PCDHGA5: variants seen among roughly 807,000 people sequenced by gnomAD.
PCDHGA5 encodes protocadherin gamma-A5.
In PCDHGA5, 36 loss-of-function variants were observed where a neutral mutation model predicts 56.7. The observed-to-expected ratio is 0.64, with a 90% CI of 0.49 to 0.84. The LOEUF (loss-of-function observed/expected upper bound fraction) is 0.84, where lower values mean the gene tolerates loss of function less well. PCDHGA5 is among the 40% of genes least tolerant of loss of function. The pLI is 0.00. For missense variants in PCDHGA5, 1,305 were observed against 1,201.5 expected, an observed-to-expected ratio of 1.09 and a Z score of -1.27; for synonymous variants, 563 against 520.2, an observed-to-expected ratio of 1.08 and a Z score of -1.12.
chr5:141,366,341 A>G lies in PCDHGA5; in HGVS notation c.2011A>G (p.Ile671Val). The G allele has an allele frequency of 6.2e-7, 1 of 1,613,914 alleles. No individual in the cohort carries two copies. Among genetic ancestry groups the G allele is most frequent in the South Asian group, 1.1e-5 (1 of 91,084 alleles). ...TVAVADRIPD[I>V]LADLGSIKTP... is the part of the protein sequence containing the mutation. ...TGCCGTGGCCGACAGGATCCCTGAC[A>G]TCCTGGCTGACCTAGGCAGTATCAA... Residue 671 changes from isoleucine to valine, a missense_variant, in exon 1 of 4, where the codon ATC becomes GTC. Ile to Val is a conservative substitution (Grantham distance 29, BLOSUM62 3). Transcript: ENST00000518069.
At position 141,364,818 on chromosome 5, in the gene PCDHGA5, G is replaced by C. The variant is rs897458319; in HGVS notation, c.488G>C (p.Gly163Ala). Reference protein sequence around the residue: ...VLPFARDADVGVNSLRSYQLS... With the variant: ...VLPFARDADVAVNSLRSYQLS... ...CCCTTCGCGCGGGATGCGGATGTGGGTGTGAACTCTCTCCGGAGTTACCAG... is the reference window on the plus strand; with the variant it reads ...CCCTTCGCGCGGGATGCGGATGTGGCTGTGAACTCTCTCCGGAGTTACCAG... Residue 163 changes from glycine (G) to alanine (A), a missense_variant, in exon 1 of 4, where the codon GGT becomes GCT. Coordinates refer to ENST00000518069, the MANE Select transcript of PCDHGA5 (RefSeq NM_018918.3). 2.0e-5 allele frequency: 33 copies of C among 1,613,896 alleles called. No individual in the cohort carries two copies. The highest frequency in any genetic ancestry group is 2.5e-5 in the Non-Finnish European group (29 of 1,179,912).
chr5:141,477,553 A>T lies in PCDHGA5; in HGVS notation c.2422-17254A>T, dbSNP rs1478806410. 6.2e-7 allele frequency: 1 copy of T among 1,614,090 alleles called. No homozygotes were observed. Among genetic ancestry groups the T allele is most frequent in the Admixed American group, 1.7e-5 (1 of 60,028 alleles). On this transcript the variant is annotated intron_variant, in intron 1 of 3. Coordinates refer to ENST00000518069, the MANE Select transcript of PCDHGA5 (RefSeq NM_018918.3). The surrounding 1 kb of genome is among the most constrained non-coding windows in gnomAD (Gnocchi z 4.9). ...TCCCCGGGGCTCCAATACTAAACCT[A>T]AGTGTCTGGGACCCCGACGCCCCGC...
At position 141,477,795 on chromosome 5, in the gene PCDHGA5, G is replaced by T. The variant is rs778851755; in HGVS notation, c.2422-17012G>T. The T allele has an allele frequency of 1.2e-5, 19 of 1,613,946 alleles. 1 individual carries two copies. In the South Asian group the frequency reaches 1.6e-4, roughly 14 times the overall value. On this transcript the variant is annotated intron_variant, in intron 1 of 3. Transcript: ENST00000518069. The surrounding 1 kb of genome is among the most constrained non-coding windows in gnomAD (Gnocchi z 4.9). ...AGCGTGAACATATTTGTCACTGATC[G>T]CAATGACAATGCCCCCCAGGTCCTA...
chr5:141,398,576 C>T (rs1257000620), intron 1 of PCDHGA5: 4 of 1,613,968 alleles, frequency 2.5e-6, no homozygotes, highest in Non-Finnish European at 1.7e-6. Flanking sequence ...CAGCCTGGCA[C>T]AAGATTTATA....
At chr5:141,372,809 G>T in intron 1 of PCDHGA5, 3 of 1,587,730 alleles carry the variant, frequency 1.9e-6, no homozygotes, top group Non-Finnish European at 2.6e-6. Context: ...ATTTGCAAAA[G>T]GTGAGTTTCT....
chr5:141,394,929 G>C, intron 1 of PCDHGA5: 4 of 1,613,762 alleles, frequency 2.5e-6, no homozygotes, highest in Non-Finnish European at 3.4e-6. Flanking sequence ...TGTCTTCCTC[G>C]CCTTTGTCGC....
chr5:141,429,913 T>C (rs1013990672), intron 1 of PCDHGA5, among the ~76,000 whole-genome samples: 29 of 152,238 alleles, frequency 1.9e-4, no homozygotes, highest in African/African-American at 7.0e-4. Context: ...TGAAATATAA[T>C]GTATTAATAG....
intron 1 of PCDHGA5, chr5:141,409,447 AC>A (rs779658060): frequency 1.4e-4 from 222 of 1,613,890 alleles, no homozygotes; most frequent in Non-Finnish European, 1.8e-4. Context: ...GAGAGCAGAC[AC>A]CAGAATACAA....
intron 1 of PCDHGA5, among the ~76,000 whole-genome samples, chr5:141,405,786 T>C (rs72790035): frequency 0.064 from 9,727 of 151,196 alleles, 364 homozygotes; most frequent in African/African-American, 0.1. Context: ...CCCTTAACTT[T>C]CTATTATAGT....
Position 141,487,333 on chromosome 5 carries a change from C to T in PCDHGA5, c.2422-7474C>T. 6.2e-7 allele frequency: 1 copy of T among 1,614,176 alleles called. No homozygotes were observed. The highest frequency in any genetic ancestry group is 8.5e-7 in the Non-Finnish European group (1 of 1,180,022). On this transcript the variant is annotated intron_variant, in intron 1 of 3. Transcript: ENST00000518069. The surrounding 1 kb of genome is among the most constrained non-coding windows in gnomAD (Gnocchi z 5.0). ...TCTCTAAGTGTCTTCGTGGGGCAGC[C>T]TGTGGAGTCACATGCTTTCCTGCTG...
intron 1 of PCDHGA5, chr5:141,372,458 A>G (rs778949462): frequency 3.7e-6 from 6 of 1,614,044 alleles, no homozygotes; most frequent in South Asian, 2.2e-5. Context: ...AGGCGGAGCT[A>G]CAGTTTCACC....
chr5:141,440,793 C>T (rs1448130354), intron 1 of PCDHGA5: 1 of 152,124 alleles, frequency 6.6e-6, no homozygotes, highest in Non-Finnish European at 1.5e-5. Context: ...TAGACGGCCC[C>T]CCAACAAAGC....
In PCDHGA5 at chr5:141,420,077, C is replaced by T. The variant is rs760626443; in HGVS notation, c.2421+53326C>T. The T allele has an allele frequency of 2.9e-5, 47 of 1,613,782 alleles. No homozygotes were observed. Among genetic ancestry groups the T allele is most frequent in the Admixed American group, 1.0e-4 (6 of 60,004 alleles). The stretch of plus-strand genomic sequence containing the variant: ...CTGCTCCAAGTCCGGACCTGTGGGT[C>T]CCCCCAACTACAGTGAGGGAACGTT... On this transcript the variant is annotated intron_variant, in intron 1 of 3. Coordinates refer to ENST00000518069, the MANE Select transcript of PCDHGA5 (RefSeq NM_018918.3).
At chr5:141,395,036 G>A in intron 1 of PCDHGA5, 2 of 1,614,110 alleles carry the variant, frequency 1.2e-6, no homozygotes, top group Non-Finnish European at 8.5e-7. Context: ...CACATTTTGT[G>A]GGTGTTGAGG....
intron 1 of PCDHGA5, chr5:141,393,026 G>A (rs1215893899): frequency 1.2e-6 from 2 of 1,613,832 alleles, no homozygotes; most frequent in East Asian, 4.5e-5. Context: ...CCAGAGGTAG[G>A]ACGCAGCTCT....
intron 1 of PCDHGA5, chr5:141,478,346 G>A: frequency 6.2e-7 from 1 of 1,613,794 alleles, no homozygotes; most frequent in African/African-American, 1.3e-5. Context: ...CTCCTTGCAC[G>A]CGGACGCCGT....
rs1363449 is a variant in PCDHGA5, at chr5:141,413,826, C to T, written c.2421+47075C>T. On this transcript the variant is annotated intron_variant, in intron 1 of 3. Coordinates refer to ENST00000518069, the MANE Select transcript of PCDHGA5 (RefSeq NM_018918.3). ...AGGCCATTCACCACCTGGTCCTCAC[C>T]GCCTCCGACGGGGGTGACCCTCTCC... 4,050 of 1,613,180 alleles carry T rather than the reference C, an allele frequency of 2.5e-3. 115 individuals are homozygous for T. In the African/African-American group the frequency reaches 0.047, roughly 19 times the overall value.
intron 1 of PCDHGA5, chr5:141,418,471 G>A (rs199547102): frequency 1.9e-6 from 3 of 1,614,002 alleles, no homozygotes; most frequent in South Asian, 2.2e-5. Flanking sequence ...ACCGAGAAAC[G>A]CAGAGCGCTC....
chr5:141,371,226 A>C (rs772683388), intron 1 of PCDHGA5: 19 of 1,613,954 alleles, frequency 1.2e-5, no homozygotes, highest in Non-Finnish European at 1.6e-5. Flanking sequence ...TGCCGAAATC[A>C]TCTATGCCTT....
Sources: allele counts gnomAD v4.1 joint callset (sites outside exome capture counted in the v4.1 genomes callset), GRCh38; gene constraint gnomAD v4.1.1; non-coding constraint Gnocchi (gnomAD v3.1); transcripts MANE v1.5; gene names NCBI Gene and HGNC (gene_info 2026-07-23, HGNC 2026-07-21).